PRKG1: variants seen among roughly 807,000 people sequenced by gnomAD.
PRKG1 encodes the protein cGMP-dependent protein kinase 1.
PRKG1 carries 35 observed loss-of-function variants against 88.1 expected under a neutral mutation model. That is an observed-to-expected ratio of 0.40 (90% confidence interval 0.30 to 0.53). The LOEUF is 0.53. Among genes scored for constraint, PRKG1 ranks in the 20% least tolerant of loss-of-function variants. PRKG1 has a pLI of 0.59. For synonymous variants in PRKG1, 303 were observed against 292.5 expected (o/e 1.04, Z -0.37); for missense variants, 540 against 839.8 (o/e 0.64, Z 4.41).
Position 51,843,695 on chromosome 10 carries a change from A to G in PRKG1, c.698+39005A>G, listed in dbSNP as rs74672844. ...CAGGGAATTCCAACTCTAATTCTTC[A>G]TGCCACCATCATCTCTTAACTTGTG... On this transcript the variant is annotated intron_variant, in intron 4 of 17. Coordinates refer to ENST00000373980, the MANE Select transcript of PRKG1 (RefSeq NM_006258.4). 2.9e-4 allele frequency among the ~76,000 whole-genome samples: 44 copies of G among 152,292 alleles called. No homozygotes were observed. The East Asian group carries it at 8.3e-3, about 29-fold the overall frequency.
chr10:51,574,180 G>T (rs886724651), intron 3 of PRKG1, among the ~76,000 whole-genome samples: 2 of 151,904 alleles, frequency 1.3e-5, no homozygotes, highest in African/African-American at 4.8e-5. Context: ...TATTTGATTT[G>T]TGTGGCTCTC....
At chr10:51,781,408 T>C (rs185092840) in intron 3 of PRKG1, among the ~76,000 whole-genome samples, 267 of 152,234 alleles carry the variant, frequency 1.8e-3, no homozygotes, top group Non-Finnish European at 3.0e-3. Context: ...AGGGAAATTA[T>C]AGCAAGTGCA....
chr10:51,674,275 C>T (rs569112889), intron 3 of PRKG1, among the ~76,000 whole-genome samples: 1 of 151,846 alleles, frequency 6.6e-6, no homozygotes, highest in African/African-American at 2.4e-5. Flanking sequence ...CATCATGCAC[C>T]CATCAACCTG....
At chr10:51,540,629 G>A (rs1842277187) in intron 3 of PRKG1, among the ~76,000 whole-genome samples, 1 of 152,066 alleles carries the variant, frequency 6.6e-6, no homozygotes, top group Non-Finnish European at 1.5e-5. Context: ...GAATATTTGA[G>A]CTTTTATTTT....
At chr10:51,506,276 A>C (rs1841200299) in intron 3 of PRKG1, among the ~76,000 whole-genome samples, 1 of 152,170 alleles carries the variant, frequency 6.6e-6, no homozygotes, top group Admixed American at 6.5e-5. Flanking sequence ...CACCAAAAGC[A>C]ATGGCAACAA....
At chr10:51,191,413 G>T (rs548217034) in intron 2 of PRKG1, among the ~76,000 whole-genome samples, 1 of 151,840 alleles carries the variant, frequency 6.6e-6, no homozygotes, top group Non-Finnish European at 1.5e-5. Flanking sequence ...TTGTAGGTTT[G>T]TGGTGAAGAA....
intron 3 of PRKG1, among the ~76,000 whole-genome samples, chr10:51,585,600 C>T (rs1838152732): frequency 6.6e-6 from 1 of 152,074 alleles, no homozygotes; most frequent in African/African-American, 2.4e-5. Flanking sequence ...CCATTCAATG[C>T]AGCAATTCTG....
intron 2 of PRKG1, among the ~76,000 whole-genome samples, chr10:51,419,018 A>G (rs988652847): frequency 2.0e-5 from 3 of 152,162 alleles, no homozygotes; most frequent in Admixed American, 2.0e-4. Context: ...ATTTCTGATA[A>G]GGAAGAAACA....
chr10:51,241,503 C>T (rs1352539764), intron 2 of PRKG1, among the ~76,000 whole-genome samples: 1 of 152,134 alleles, frequency 6.6e-6, no homozygotes, highest in African/African-American at 2.4e-5. Flanking sequence ...TGCTTTAAGT[C>T]AGTGAATTAG....
intron 3 of PRKG1, among the ~76,000 whole-genome samples, chr10:51,793,979 G>A (rs928926470): frequency 2.0e-5 from 3 of 152,024 alleles, no homozygotes; most frequent in African/African-American, 4.8e-5. Context: ...GGCCAGGCTG[G>A]TCTCAAACCC....
chr10:51,906,238 G>A (rs1842083252), intron 4 of PRKG1, among the ~76,000 whole-genome samples: 2 of 152,146 alleles, frequency 1.3e-5, no homozygotes, highest in Admixed American at 6.6e-5. Flanking sequence ...TAACAGAGGA[G>A]AGAGTGTTTT....
chr10:52,289,443 A>T (rs1386573015), intron 16 of PRKG1, among the ~76,000 whole-genome samples: 5 of 152,186 alleles, frequency 3.3e-5, no homozygotes. Flanking sequence ...CAATAGCAAC[A>T]TCTTAAATAT....
intron 2 of PRKG1, among the ~76,000 whole-genome samples, chr10:51,270,293 A>G (rs1201358413): frequency 6.6e-6 from 1 of 152,206 alleles, no homozygotes; most frequent in African/African-American, 2.4e-5. Flanking sequence ...TAATGGCAAA[A>G]TTAATGCACT....
intron 3 of PRKG1, among the ~76,000 whole-genome samples, chr10:51,502,951 A>AT (rs1246073170): frequency 3.9e-5 from 6 of 152,170 alleles, no homozygotes; most frequent in African/African-American, 1.4e-4. Flanking sequence ...TTGAAATCCA[A>AT]TAACTAGAAA....
intron 7 of PRKG1, among the ~76,000 whole-genome samples, chr10:52,072,330 C>G (rs5013005): frequency 0.17 from 26,016 of 151,510 alleles, 2,822 homozygotes; most frequent in South Asian, 0.28. Flanking sequence ...TTGTGGCTGT[C>G]CAAAACAAAA....
intron 3 of PRKG1, among the ~76,000 whole-genome samples, chr10:51,554,402 A>T (rs12249506): frequency 8.6e-5 from 11 of 127,498 alleles, no homozygotes; most frequent in Non-Finnish European, 6.5e-5. Context: ...TGTATATATA[A>T]AAATATATGT....
chr10:52,031,442 A>G (rs566109667), intron 5 of PRKG1, among the ~76,000 whole-genome samples: 2 of 152,210 alleles, frequency 1.3e-5, no homozygotes, highest in African/African-American at 4.8e-5. Context: ...TTTACTAACC[A>G]TAAACAGGGC....
At chr10:52,011,247 C>T (rs982287681) in intron 5 of PRKG1, among the ~76,000 whole-genome samples, 2 of 152,108 alleles carry the variant, frequency 1.3e-5, no homozygotes, top group Admixed American at 1.3e-4. Context: ...TTTTAGAATT[C>T]ATTTTTTTAT....
At chr10:51,959,930 G>A (rs1369000426) in intron 5 of PRKG1, among the ~76,000 whole-genome samples, 1 of 152,034 alleles carries the variant, frequency 6.6e-6, no homozygotes, top group Non-Finnish European at 1.5e-5. Context: ...TATAAACAGA[G>A]CTATCACAGA....
Sources: gnomAD v4.1 joint callset for allele counts (sites outside exome capture counted in the v4.1 genomes callset) on GRCh38, gnomAD v4.1.1 for gene constraint, MANE v1.5 for transcripts, NCBI Gene and HGNC (gene_info 2026-07-23, HGNC 2026-07-21) for gene names.